Variants in AUTS2 observed in about 807,000 individuals in gnomAD.
The protein encoded by AUTS2 is activator of transcription and developmental regulator AUTS2.
AUTS2 carries 17 observed loss-of-function variants against 112.4 expected under a neutral mutation model. That is an observed-to-expected ratio of 0.15 (90% confidence interval 0.10 to 0.23). The LOEUF (loss-of-function observed/expected upper bound fraction) is 0.23. AUTS2 is among the 10% of genes least tolerant of loss of function. AUTS2 has a pLI of 1.00. For synonymous variants in AUTS2, 751 were observed against 702.7 expected, an observed-to-expected ratio of 1.07 and a Z score of -1.09; for missense variants, 1,510 against 1,701.6, an observed-to-expected ratio of 0.89 and a Z score of 1.98.
chr7:69,735,246 C>T (rs1034142580), intron 1 of AUTS2, among the ~76,000 whole-genome samples: 7 of 152,132 alleles, frequency 4.6e-5, no homozygotes, highest in Non-Finnish European at 1.0e-4. Context: ...TGAGAAAGCA[C>T]CTGAGGAGGC....
intron 4 of AUTS2, among the ~76,000 whole-genome samples, chr7:70,351,755 G>A (rs907941442): frequency 6.8e-6 from 1 of 146,452 alleles, no homozygotes; most frequent in South Asian, 2.2e-4. Flanking sequence ...AGGCTGGCGT[G>A]CAGTGGTGTG....
At chr7:69,955,531 A>G (rs1405289933) in intron 2 of AUTS2, among the ~76,000 whole-genome samples, 2 of 152,174 alleles carry the variant, frequency 1.3e-5, no homozygotes, top group East Asian at 3.9e-4. Flanking sequence ...TACAGGGGAG[A>G]GAGTCCAGTG....
intron 5 of AUTS2, among the ~76,000 whole-genome samples, chr7:70,508,471 A>G (rs73176000): frequency 6.6e-6 from 1 of 152,298 alleles, no homozygotes; most frequent in Non-Finnish European, 1.5e-5. Flanking sequence ...TTACTTCCGC[A>G]TATTGAAATC....
intron 1 of AUTS2, among the ~76,000 whole-genome samples, chr7:69,606,623 A>G (rs931686405): frequency 1.3e-5 from 2 of 152,196 alleles, no homozygotes; most frequent in Non-Finnish European, 2.9e-5. Context: ...ATTAAACCCA[A>G]TATGCTGCAG....
At chr7:69,650,840 C>A (rs1795255393) in intron 1 of AUTS2, among the ~76,000 whole-genome samples, 1 of 152,160 alleles carries the variant, frequency 6.6e-6, no homozygotes, top group Non-Finnish European at 1.5e-5. Flanking sequence ...ATGTGGCATG[C>A]TGTGTTTCAT....
chr7:69,954,433 C>T (rs909983416), intron 2 of AUTS2, among the ~76,000 whole-genome samples: 1 of 152,118 alleles, frequency 6.6e-6, no homozygotes, highest in Admixed American at 6.5e-5. Flanking sequence ...AGGTATATAC[C>T]GCCATGCCTG....
chr7:70,584,204 A>G (rs1802583554), intron 5 of AUTS2, among the ~76,000 whole-genome samples: 1 of 152,208 alleles, frequency 6.6e-6, no homozygotes, highest in African/African-American at 2.4e-5. Flanking sequence ...CACTGCATTT[A>G]ATATCAGAAA....
At chr7:70,596,158 G>T (rs1212267068) in intron 5 of AUTS2, 1 of 152,730 alleles carries the variant, frequency 6.5e-6, no homozygotes. Flanking sequence ...GCGGGCCGGG[G>T]CGCTCCGCGG....
intron 5 of AUTS2, among the ~76,000 whole-genome samples, chr7:70,488,485 G>A (rs1458525556): frequency 6.6e-6 from 1 of 151,992 alleles, no homozygotes; most frequent in Non-Finnish European, 1.5e-5. Context: ...TTTCTTTTTG[G>A]TGTATCTTCT....
intron 2 of AUTS2, among the ~76,000 whole-genome samples, chr7:69,999,859 A>T (rs1379312859): frequency 6.6e-6 from 1 of 152,182 alleles, no homozygotes; most frequent in Non-Finnish European, 1.5e-5. Flanking sequence ...GAAAGTTTGC[A>T]GCTTTTGAGT....
At chr7:70,463,340 A>G (rs537310392) in intron 5 of AUTS2, among the ~76,000 whole-genome samples, 1 of 152,364 alleles carries the variant, frequency 6.6e-6, no homozygotes, top group Admixed American at 6.5e-5. Context: ...TTTTCTGTTC[A>G]TAAGACCCAG....
At chr7:70,401,810 C>T (rs1323172053) in intron 4 of AUTS2, among the ~76,000 whole-genome samples, 2 of 152,292 alleles carry the variant, frequency 1.3e-5, no homozygotes, top group East Asian at 3.9e-4. Context: ...TGATTTTGTG[C>T]AGGAAGCAGT....
intron 2 of AUTS2, among the ~76,000 whole-genome samples, chr7:69,953,985 G>A (rs1797124445): frequency 6.6e-6 from 1 of 152,136 alleles, no homozygotes. Context: ...CTCTATTAGA[G>A]AGAGGTGGAG....
intron 4 of AUTS2, among the ~76,000 whole-genome samples, chr7:70,402,159 C>CAAA (rs1461900729): frequency 6.6e-6 from 1 of 152,148 alleles, no homozygotes; most frequent in African/African-American, 2.4e-5. Flanking sequence ...TCCAGGGTGC[C>CAAA]CAGCAATTGG....
At chr7:70,035,274 A>C (rs562097897) in intron 2 of AUTS2, among the ~76,000 whole-genome samples, 1 of 152,322 alleles carries the variant, frequency 6.6e-6, no homozygotes, top group Admixed American at 6.5e-5. Context: ...GCTGTGTCAC[A>C]TTAGGCAAGT....
chr7:70,472,943 T>C (rs1014742556), intron 5 of AUTS2, among the ~76,000 whole-genome samples: 4 of 152,230 alleles, frequency 2.6e-5, no homozygotes, highest in Non-Finnish European at 5.9e-5. Flanking sequence ...TCAAGGGGGC[T>C]ACATCAGTAA....
chr7:70,226,360 A>ATTT (rs34184657), intron 4 of AUTS2, among the ~76,000 whole-genome samples: 2 of 136,410 alleles, frequency 1.5e-5, no homozygotes, highest in Admixed American at 7.5e-5. Flanking sequence ...TGCCCGGCTA[A>ATTT]TTTTTTTTTT....
intron 4 of AUTS2, among the ~76,000 whole-genome samples, chr7:70,353,268 T>C (rs1791848146): frequency 6.6e-6 from 1 of 152,218 alleles, no homozygotes; most frequent in Non-Finnish European, 1.5e-5. Context: ...AAATTCCTTA[T>C]ATTTGTTATA....
rs1464396630 is a variant in AUTS2 at position 70,781,806 on chromosome 7, G to A, written c.2146+50G>A. ...ACAGAGCTGAGAAATGTAGTTCTCA[G>A]GTAACTAAATAAATGAGGTTTGGGC... On this transcript the variant is annotated intron_variant, in intron 15 of 18. Coordinates refer to ENST00000342771, the MANE Select transcript of AUTS2 (RefSeq NM_015570.4). 2.5e-6 allele frequency: 4 copies of A among 1,588,552 alleles called. No homozygotes were observed. In the African/African-American group the frequency reaches 4.1e-5, roughly 16 times the overall value.
Sources: gnomAD v4.1 joint callset for allele counts (sites outside exome capture counted in the v4.1 genomes callset) on GRCh38, gnomAD v4.1.1 for gene constraint, MANE v1.5 for transcripts, NCBI Gene and HGNC (gene_info 2026-07-23, HGNC 2026-07-21) for gene names.